GEN1: variants seen among roughly 807,000 people sequenced by gnomAD.
GEN1 encodes the protein flap endonuclease GEN homolog 1.
Under a neutral mutation model 67.6 loss-of-function variants are expected in GEN1, and 64 were observed. The ratio of observed to expected loss-of-function variants is 0.95; its 90% CI spans 0.77 to 1.17. The LOEUF (loss-of-function observed/expected upper bound fraction) is 1.17. GEN1 is among the 50% of genes most tolerant of loss of function. The pLI is 0.00. For synonymous variants in GEN1, 371 were observed against 359.4 expected, an observed-to-expected ratio of 1.03 and a Z score of -0.37; for missense variants, 1,058 against 1,048.3, an observed-to-expected ratio of 1.01 and a Z score of -0.13.
chr2:17,779,120 G>T (rs1439193480), intron 12 of GEN1, among the ~76,000 whole-genome samples: 1 of 152,030 alleles, frequency 6.6e-6, no homozygotes, highest in Admixed American at 6.6e-5. Context: ...ATGGAGTTTC[G>T]TTATTTTGGC....
chr2:17,778,219 TAC>T (rs552378151), intron 12 of GEN1, among the ~76,000 whole-genome samples, 156 bp downstream of exon 12: 2,133 of 122,836 alleles, frequency 0.017, 116 homozygotes, highest in East Asian at 0.098. Context: ...TATATATGTA[TAC>T]ACACACATAT....
upstream of GEN1, chr2:17,753,631 A>C (rs1165709466): frequency 6.6e-6 from 1 of 152,170 alleles, no homozygotes; most frequent in African/African-American, 2.4e-5. Flanking sequence ...CCTACCGCCA[A>C]CAAGTCGAAG....
chr2:17,773,053 TTGTC>T, intron 8 of GEN1, 39 bp from the exon 9 acceptor site: 1 of 1,280,294 alleles, frequency 7.8e-7, no homozygotes, highest in South Asian at 1.3e-5. Context: ...GAGTCTAAAA[TTGTC>T]TGATTATAGT....
intron 3 of GEN1, among the ~76,000 whole-genome samples, chr2:17,762,100 A>G (rs1421593355): frequency 6.6e-6 from 1 of 151,032 alleles, no homozygotes; most frequent in Non-Finnish European, 1.5e-5. Flanking sequence ...TTACTTTAAT[A>G]TTGCTATATT....
chr2:17,772,612 CT>C, intron 7 of GEN1, 21 bp from the exon 8 acceptor site: 9 of 1,568,550 alleles, frequency 5.7e-6, no homozygotes, highest in South Asian at 1.2e-5. Context: ...AAATATTATA[CT>C]TTTTTTGGGT....
chr2:17,781,688 A>G lies in GEN1; in HGVS notation c.2476A>G (p.Lys826Glu). Residue 826 changes from lysine to glutamate, a missense_variant, in exon 14 of 14, where the codon AAG becomes GAG. Lys to Glu is a moderately conservative substitution (Grantham distance 56). Coordinates refer to ENST00000381254, the MANE Select transcript of GEN1 (RefSeq NM_001130009.3). The stretch of plus-strand genomic sequence containing the variant: ...TCAAAGAATGAAGCACAGTTCTCAA[A>G]AGCATAATTCATCCCATTTCAAAGA... ...TTQRMKHSSQ[K>E]HNSSHFKESG... 4 of 1,613,984 alleles carry G rather than the reference A, an allele frequency of 2.5e-6. No individual in the cohort carries two copies. The highest frequency in any genetic ancestry group is 3.4e-6 in the Non-Finnish European group (4 of 1,179,918).
Position 17,765,057 on chromosome 2 carries a change from T to G in GEN1, c.509T>G (p.Phe170Cys), listed in dbSNP as rs1671861035. The G allele has an allele frequency of 6.2e-7, 1 of 1,613,938 alleles. No individual in the cohort carries two copies. The highest frequency in any genetic ancestry group is 8.5e-7 in the Non-Finnish European group (1 of 1,179,982). The stretch of plus-strand genomic sequence containing the variant: ...GGGGCCCAGACTGTTTACAGGAATT[T>G]CACTATGAATACAAAGGTGTTTATT... ...LYGAQTVYRN[F>C]TMNTKDPHVD... The change falls in exon 4 of 14, where the codon TTC becomes TGC. Residue 170 changes from phenylalanine to cysteine, a missense_variant. By Grantham distance (205) the Phe-to-Cys change is radical. Transcript: ENST00000381254.
Position 17,785,088 on chromosome 2 carries a change from T to A in GEN1, c.*3149T>A, listed in dbSNP as rs993341145. On this transcript the variant is annotated 3_prime_UTR_variant, in exon 14 of 14. Transcript: ENST00000381254. ...GCATGCGAGGATCTAGTTTGTGCAC[T>A]CCTACTGAGAATCTAATGCCTGATG... The A allele has an allele frequency of 2.6e-5, 4 of 152,190 alleles. 1 individual carries two copies. Among genetic ancestry groups the A allele is most frequent in the African/African-American group, 9.7e-5 (4 of 41,434 alleles). 9.4% of individuals were successfully genotyped at this position (152,190 alleles called of 1,614,324 possible).
At position 17,772,663 on chromosome 2, in the gene GEN1, T is replaced by C. The variant is rs772781859; in HGVS notation, c.832T>C (p.Cys278Arg). Residue 278 changes from cysteine (C) to arginine (R), a missense_variant, in exon 8 of 14, where the codon TGC (cysteine) becomes CGC (arginine). Coordinates refer to ENST00000381254, the MANE Select transcript of GEN1 (RefSeq NM_001130009.3). ...ACCTAAGGATCATGAACGTAATGGA[T>C]GCAGATTATGTAAAAGTGATAAATA... ...GSPKDHERNG[C>R]RLCKSDKYCE... is the part of the protein sequence containing the mutation. The C allele has an allele frequency of 4.3e-6, 7 of 1,611,630 alleles. No individual in the cohort carries two copies. The highest frequency in any genetic ancestry group is 5.9e-6 in the Non-Finnish European group (7 of 1,178,584).
At position 17,773,154 on chromosome 2, in the gene GEN1, C is replaced by G. The variant is rs300177; in HGVS notation, c.990+22C>G. 1,038,739 of 1,561,782 alleles carry G rather than the reference C, an allele frequency of 0.67. 352,597 individuals are homozygous for G. Among genetic ancestry groups the G allele is most frequent in the East Asian group, 0.99 (43,798 of 44,438 alleles). On this transcript the variant is annotated intron_variant, in intron 9 of 13. Coordinates refer to ENST00000381254, the MANE Select transcript of GEN1 (RefSeq NM_001130009.3). Reference sequence around the variant, plus strand: ...TGAGGTAATATCCAGTAATTCAACTCTATTAATTTTAGAAACTTTCTTAAA... The same window carrying G: ...TGAGGTAATATCCAGTAATTCAACTGTATTAATTTTAGAAACTTTCTTAAA...
Position 17,778,134 on chromosome 2 carries a change from A to ATG in GEN1, c.1264+75_1264+76dup, listed in dbSNP as rs565148870. ...CATGTATGTCTAGTAAATATTGTAT[A>ATG]TGTGTATATATATATATATACACAC... On this transcript the variant is annotated intron_variant, in intron 12 of 13. Transcript: ENST00000381254. The ATG allele has an allele frequency of 1.3e-3, 805 of 627,726 alleles. 8 individuals are homozygous for ATG. In the African/African-American group the frequency reaches 0.014, roughly 11 times the overall value. 38.9% of individuals were successfully genotyped at this position (627,726 alleles called of 1,614,324 possible). A position where few individuals can be genotyped will look rare whatever the true frequency, so the allele number is the denominator to read the frequency against.
At chr2:17,754,731 C>T (rs2125110457) in intron 1 of GEN1, 1 of 152,320 alleles carries the variant, frequency 6.6e-6, no homozygotes, top group African/African-American at 2.4e-5. Flanking sequence ...CCGTGTTAAC[C>T]TTGTATTTCG....
chr2:17,763,570 A>C lies in GEN1; in HGVS notation c.349-1327A>C, dbSNP rs544618216. Among the ~76,000 whole-genome samples, 7 of 152,324 alleles carry C rather than the reference A, an allele frequency of 4.6e-5. No homozygotes were observed. The East Asian group carries it at 1.3e-3, about 29-fold the overall frequency. ...TCTTTTAGGTATTCGCATGAAAAGCACAAATTAGTAGTCCTCCAATACCAC... is the reference window on the plus strand; with the variant it reads ...TCTTTTAGGTATTCGCATGAAAAGCCCAAATTAGTAGTCCTCCAATACCAC... On this transcript the variant is annotated intron_variant, in intron 3 of 13. Coordinates refer to ENST00000381254, the MANE Select transcript of GEN1 (RefSeq NM_001130009.3).
intron 2 of GEN1, 150 bp from the exon 3 acceptor site, chr2:17,761,246 G>C (rs919674300): frequency 7.0e-6 from 4 of 567,950 alleles, no homozygotes; most frequent in Middle Eastern, 9.3e-4. Flanking sequence ...AGAAAATTCA[G>C]TGGTTTTCCA....
chr2:17,781,893 C>G lies in GEN1; in HGVS notation c.2681C>G (p.Pro894Arg), dbSNP rs780609355. ...AACTCTGGTACTTGTTTGGATAGCC[C>G]TCTTCCTTTACGCCAGAGATTAAAA... ...ENNSGTCLDS[P>R]LPLRQRLKLR... The change falls in exon 14 of 14, where the codon CCT becomes CGT. Residue 894 changes from proline to arginine, a missense_variant. Pro to Arg is a moderately radical substitution (Grantham distance 103). Coordinates refer to ENST00000381254, the MANE Select transcript of GEN1 (RefSeq NM_001130009.3). 1.3e-6 allele frequency: 2 copies of G among 1,579,436 alleles called. No individual in the cohort carries two copies. Among genetic ancestry groups the G allele is most frequent in the African/African-American group, 2.8e-5 (2 of 72,614 alleles).
At chr2:17,763,926 G>T (rs1375321508) in intron 3 of GEN1, among the ~76,000 whole-genome samples, 3 of 152,112 alleles carry the variant, frequency 2.0e-5, no homozygotes, top group African/African-American at 7.2e-5. Context: ...AGCAAGAAAT[G>T]GTATTTATTC....
At position 17,787,244 on chromosome 2, in the gene GEN1, CA is replaced by C. The variant is rs1673088601; in HGVS notation, c.*5308del. ...TTATCACATTCATTCATTCGTTCCACAAATATTAGCTGATGCCTGCCGTGTA... is the reference window on the plus strand; with the variant it reads ...TTATCACATTCATTCATTCGTTCCACAATATTAGCTGATGCCTGCCGTGTA... On this transcript the variant is annotated 3_prime_UTR_variant, in exon 14 of 14. Coordinates refer to ENST00000381254, the MANE Select transcript of GEN1 (RefSeq NM_001130009.3). 6.6e-6 allele frequency: 1 copy of C among 152,230 alleles called. No individual in the cohort carries two copies. 9.4% of individuals were successfully genotyped at this position (152,230 alleles called of 1,614,324 possible).
At chr2:17,771,173 T>C in intron 6 of GEN1, 23 bp from the exon 7 acceptor site, 2 of 1,530,764 alleles carry the variant, frequency 1.3e-6, no homozygotes, top group South Asian at 1.1e-5. Flanking sequence ...TTTCCTTTTT[T>C]TAAAAACCAC....
At position 17,779,958 on chromosome 2, in the gene GEN1, C is replaced by T. The variant is rs758344826; in HGVS notation, c.1265-20C>T. The T allele has an allele frequency of 2.5e-6, 4 of 1,583,718 alleles. No individual in the cohort carries two copies. The African/African-American group carries it at 5.4e-5, about 21-fold the overall frequency. On this transcript the variant is annotated intron_variant, in intron 12 of 13. Coordinates refer to ENST00000381254, the MANE Select transcript of GEN1 (RefSeq NM_001130009.3). ...TAAATGCCTAATTAAGGACACTTTG[C>T]TGTATTTTTAATCTTTTAGAACATT...
Sources: allele counts gnomAD v4.1 joint callset (sites outside exome capture counted in the v4.1 genomes callset), GRCh38; gene constraint gnomAD v4.1.1; transcripts MANE v1.5; gene names NCBI Gene and HGNC (gene_info 2026-07-23, HGNC 2026-07-21).